PTPRD: variants seen among roughly 807,000 people sequenced by gnomAD.
PTPRD encodes the protein protein tyrosine phosphatase receptor type D.
In PTPRD, 34 loss-of-function variants were observed where a neutral mutation model predicts 214.5. The ratio of observed to expected loss-of-function variants is 0.16; its 90% CI spans 0.12 to 0.21. The LOEUF is 0.21. PTPRD is among the 10% of genes least tolerant of loss of function. The pLI, the probability that PTPRD is intolerant of heterozygous loss-of-function variation, is 1.00. For synonymous variants in PTPRD, 1,128 were observed against 845.7 expected, an observed-to-expected ratio of 1.33 and a Z score of -5.79; for missense variants, 2,545 against 2,398.7, an observed-to-expected ratio of 1.06 and a Z score of -1.27.
At chr9:10,150,704 A>G (rs963348354) in intron 3 of PTPRD, among the ~76,000 whole-genome samples, 4 of 151,756 alleles carry the variant, frequency 2.6e-5, no homozygotes, top group African/African-American at 4.9e-5. Flanking sequence ...TTTAAAAAAA[A>G]AGAAACAAAA....
chr9:8,655,367 G>A (rs370786078), intron 12 of PTPRD, among the ~76,000 whole-genome samples: 4 of 152,090 alleles, frequency 2.6e-5, no homozygotes, highest in Non-Finnish European at 4.4e-5. Context: ...CTTGTTTTGT[G>A]GCCAGAATTT....
intron 10 of PTPRD, among the ~76,000 whole-genome samples, chr9:9,152,851 A>C (rs1051703771): frequency 6.6e-6 from 1 of 152,350 alleles, no homozygotes; most frequent in East Asian, 1.9e-4. Context: ...TTGCTTGATT[A>C]GAATCTTCGT....
At chr9:9,542,813 TAAC>T (rs1430994969) in intron 8 of PTPRD, among the ~76,000 whole-genome samples, 1 of 151,660 alleles carries the variant, frequency 6.6e-6, no homozygotes, top group African/African-American at 2.4e-5. Flanking sequence ...TTCCTAGTGT[TAAC>T]AACCATGAGG....
chr9:10,609,482 T>C (rs931686572), intron 2 of PTPRD, among the ~76,000 whole-genome samples: 4 of 152,108 alleles, frequency 2.6e-5, no homozygotes, highest in African/African-American at 9.6e-5. Context: ...ACCACAATAA[T>C]TGTCATGTGC....
chr9:8,683,347 T>C (rs1161851169), intron 12 of PTPRD, among the ~76,000 whole-genome samples: 4 of 151,182 alleles, frequency 2.6e-5, no homozygotes, highest in Non-Finnish European at 5.9e-5. Flanking sequence ...ATTCATAACT[T>C]GGATAAGCCT....
At position 8,627,192 on chromosome 9, in the gene PTPRD, G is replaced by A. The variant is rs115594221; in HGVS notation, c.352+6125C>T. On this transcript the variant is annotated intron_variant, in intron 14 of 45. Coordinates refer to ENST00000381196, the MANE Select transcript of PTPRD (RefSeq NM_002839.4). The stretch of plus-strand genomic sequence containing the variant: ...TTATTTCCCATCATGCTCATCTGTC[G>A]ACATGTCAGCTGGAAGAACATTGTT... 6.3e-3 allele frequency among the ~76,000 whole-genome samples: 957 copies of A among 151,790 alleles called. 14 individuals carry two copies. Among genetic ancestry groups the A allele is most frequent in the African/African-American group, 0.022 (912 of 41,426 alleles).
chr9:9,763,947 T>A (rs529698477), intron 6 of PTPRD, among the ~76,000 whole-genome samples: 1 of 152,240 alleles, frequency 6.6e-6, no homozygotes, highest in East Asian at 1.9e-4. Context: ...CAATTCCTCA[T>A]TTTTTAAAAT....
At chr9:8,727,211 T>G (rs1035561489) in intron 12 of PTPRD, among the ~76,000 whole-genome samples, 1 of 152,326 alleles carries the variant, frequency 6.6e-6, no homozygotes, top group African/African-American at 2.4e-5. Context: ...GGTCACACTT[T>G]GGAATTGTTT....
chr9:9,371,160 A>G (rs1034895712), intron 9 of PTPRD, among the ~76,000 whole-genome samples: 8 of 151,992 alleles, frequency 5.3e-5, no homozygotes, highest in Non-Finnish European at 8.8e-5. Context: ...CTCTTTTTCC[A>G]TTAATTGTAA....
chr9:8,455,469 C>T (rs1488268970), intron 33 of PTPRD, among the ~76,000 whole-genome samples: 3 of 152,162 alleles, frequency 2.0e-5, no homozygotes, highest in Non-Finnish European at 4.4e-5. Context: ...AAAATCTTCA[C>T]TTTGAGGCAA....
intron 8 of PTPRD, among the ~76,000 whole-genome samples, chr9:9,445,802 G>C (rs1364987292): frequency 6.6e-6 from 1 of 152,090 alleles, no homozygotes; most frequent in Non-Finnish European, 1.5e-5. Flanking sequence ...AACCATATCA[G>C]CTTCATATAG....
intron 12 of PTPRD, among the ~76,000 whole-genome samples, chr9:8,689,854 TC>T (rs2097766870): frequency 6.6e-6 from 1 of 152,144 alleles, no homozygotes; most frequent in South Asian, 2.1e-4. Flanking sequence ...ATGCCTGTAA[TC>T]CCAGCACTTT....
intron 11 of PTPRD, among the ~76,000 whole-genome samples, chr9:8,967,380 C>T (rs757977397): frequency 6.6e-6 from 1 of 152,128 alleles, no homozygotes; most frequent in Non-Finnish European, 1.5e-5. Flanking sequence ...TGCATGTTCA[C>T]TGTGGCACTA....
intron 4 of PTPRD, among the ~76,000 whole-genome samples, chr9:10,022,789 C>T (rs2096849368): frequency 6.6e-6 from 1 of 152,136 alleles, no homozygotes; most frequent in Non-Finnish European, 1.5e-5. Context: ...ATGCTGAATT[C>T]CCATTTTAAA....
chr9:9,511,956 C>A (rs1590271415), intron 8 of PTPRD, among the ~76,000 whole-genome samples: 2 of 151,688 alleles, frequency 1.3e-5, no homozygotes, highest in Non-Finnish European at 3.0e-5. Flanking sequence ...CTCTACTAGA[C>A]ACATGGTACA....
chr9:8,929,799 G>A (rs113978274), intron 11 of PTPRD, among the ~76,000 whole-genome samples: 3,245 of 38,724 alleles, frequency 0.084, 296 homozygotes, highest in East Asian at 0.15. Flanking sequence ...ATATGTGTGT[G>A]TATATATGTG....
intron 9 of PTPRD, among the ~76,000 whole-genome samples, chr9:9,186,049 T>C (rs2099931251): frequency 6.6e-6 from 1 of 152,010 alleles, no homozygotes; most frequent in South Asian, 2.1e-4. Flanking sequence ...GTCAACTAAG[T>C]TTTCTCCACT....
At chr9:10,500,688 C>G (rs574028928) in intron 2 of PTPRD, among the ~76,000 whole-genome samples, 13 of 151,802 alleles carry the variant, frequency 8.6e-5, no homozygotes, top group South Asian at 4.1e-4. Flanking sequence ...CAACTTCCCC[C>G]CAACCCCTCC....
intron 3 of PTPRD, among the ~76,000 whole-genome samples, chr9:10,290,695 A>G (rs1303067078): frequency 1.3e-5 from 2 of 152,162 alleles, no homozygotes. Context: ...AAATGCATTT[A>G]TAGCTGACAT....
Sources: allele counts gnomAD v4.1 joint callset (sites outside exome capture counted in the v4.1 genomes callset), GRCh38; gene constraint gnomAD v4.1.1; transcripts MANE v1.5; gene names NCBI Gene and HGNC (gene_info 2026-07-23, HGNC 2026-07-21).